CSGALNACT1: variants seen among roughly 807,000 people sequenced by gnomAD.
The protein encoded by CSGALNACT1 is chondroitin sulfate N-acetylgalactosaminyltransferase 1, also known as beta4GalNAcT-1.
Under a neutral mutation model 51.0 loss-of-function variants are expected in CSGALNACT1, and 52 were observed. The ratio of observed to expected loss-of-function variants is 1.02; its 90% CI spans 0.82 to 1.29. The LOEUF is 1.29. Ranked by LOEUF, CSGALNACT1 falls within the 50% of genes most tolerant of loss-of-function variation. The pLI is 0.00. For missense variants in CSGALNACT1, 935 were observed against 679.2 expected, an observed-to-expected ratio of 1.38 and a Z score of -4.19; for synonymous variants, 341 against 254.4, an observed-to-expected ratio of 1.34 and a Z score of -3.24.
intron 1 of CSGALNACT1, among the ~76,000 whole-genome samples, chr8:19,614,527 A>G (rs1234519473): frequency 3.9e-5 from 6 of 152,234 alleles, no homozygotes; most frequent in Non-Finnish European, 7.3e-5. Flanking sequence ...ATACAGCTCA[A>G]TGAGTTTTTA....
rs557870120 is a variant in CSGALNACT1, at chr8:19,673,650, G to C, written c.-544+8823C>G. Among the ~76,000 whole-genome samples the C allele has an allele frequency of 7.6e-4, 116 of 152,340 alleles. 1 individual carries two copies. The highest frequency in any genetic ancestry group is 3.4e-3 in the Middle Eastern group (1 of 294). On this transcript the variant is annotated intron_variant, in intron 1 of 9. Transcript: ENST00000332246. ...ACCCAGTTCCAGTAGGTAAGAGTTA[G>C]AAATGAATTTGTCTGCTTCTACCAC... is the stretch of plus-strand genomic sequence containing the variant.
chr8:19,559,031 C>A (rs1416098691), intron 3 of CSGALNACT1, among the ~76,000 whole-genome samples: 1 of 152,074 alleles, frequency 6.6e-6, no homozygotes, highest in Non-Finnish European at 1.5e-5. Context: ...TATTTCAAAG[C>A]AACTGTGGCT....
intron 1 of CSGALNACT1, among the ~76,000 whole-genome samples, chr8:19,714,228 T>C (rs924859586): frequency 6.6e-6 from 1 of 152,230 alleles, no homozygotes; most frequent in African/African-American, 2.4e-5. Context: ...CCCTCTAATT[T>C]TTCTCCTTGA....
At chr8:19,732,670 C>T (rs2063756114) in intron 1 of CSGALNACT1, 1 of 152,148 alleles carries the variant, frequency 6.6e-6, no homozygotes. Context: ...TGAGAAGTAT[C>T]CACAGACACT....
chr8:19,478,155 C>G (rs941692294), intron 4 of CSGALNACT1, among the ~76,000 whole-genome samples: 1 of 152,028 alleles, frequency 6.6e-6, no homozygotes, highest in Non-Finnish European at 1.5e-5. Flanking sequence ...TGGCTCACGC[C>G]TGTAATCTCA....
At chr8:19,608,593 C>T (rs578087889) in intron 1 of CSGALNACT1, among the ~76,000 whole-genome samples, 2 of 152,322 alleles carry the variant, frequency 1.3e-5, no homozygotes, top group African/African-American at 4.8e-5. Context: ...TTTAAAATTA[C>T]CACATTCCCA....
At chr8:19,623,727 TAAAGAATTCATG>T (rs1294714375) in intron 1 of CSGALNACT1, among the ~76,000 whole-genome samples, 1 of 152,252 alleles carries the variant, frequency 6.6e-6, no homozygotes, top group Admixed American at 6.5e-5. Context: ...AATAAACTTT[TAAAGAATTCATG>T]AATCAGAAAC....
At chr8:19,718,299 A>C (rs1589675483) in intron 1 of CSGALNACT1, among the ~76,000 whole-genome samples, 1 of 152,218 alleles carries the variant, frequency 6.6e-6, no homozygotes, top group Middle Eastern at 3.4e-3. Flanking sequence ...ATGGGGTTGT[A>C]CCATGTTGGC....
intron 1 of CSGALNACT1, among the ~76,000 whole-genome samples, chr8:19,634,926 T>C (rs1180555138): frequency 6.6e-6 from 1 of 152,208 alleles, no homozygotes; most frequent in Non-Finnish European, 1.5e-5. Flanking sequence ...AATATAATGA[T>C]GATAACACTT....
At chr8:19,607,263 T>C (rs1158583686), upstream of CSGALNACT1, among the ~76,000 whole-genome samples, 2 of 152,034 alleles carry the variant, frequency 1.3e-5, no homozygotes, top group Non-Finnish European at 2.9e-5. Flanking sequence ...TAATCGACAA[T>C]GAAGTGATTC....
chr8:19,667,774 C>T (rs1172396803), intron 1 of CSGALNACT1, among the ~76,000 whole-genome samples: 1 of 152,092 alleles, frequency 6.6e-6, no homozygotes, highest in Non-Finnish European at 1.5e-5. Context: ...ACTTAAGCCA[C>T]AGAAAATGTA....
chr8:19,697,471 GA>G (rs1473908492), intron 1 of CSGALNACT1, among the ~76,000 whole-genome samples: 1 of 152,198 alleles, frequency 6.6e-6, no homozygotes, highest in Non-Finnish European at 1.5e-5. Context: ...AGCACCTGGG[GA>G]AAGTCTGGCC....
At chr8:19,430,868 G>A (rs2059553870) in intron 6 of CSGALNACT1, among the ~76,000 whole-genome samples, 1 of 152,004 alleles carries the variant, frequency 6.6e-6, no homozygotes, top group Admixed American at 6.5e-5. Context: ...TCAAAGTTGT[G>A]TTGTAGTTTT....
At chr8:19,708,540 C>T (rs1295199068) in intron 1 of CSGALNACT1, among the ~76,000 whole-genome samples, 1 of 152,178 alleles carries the variant, frequency 6.6e-6, no homozygotes, top group Non-Finnish European at 1.5e-5. Flanking sequence ...AGCTACAAAA[C>T]CTGCTGCCTG....
intron 1 of CSGALNACT1, among the ~76,000 whole-genome samples, chr8:19,611,099 T>C (rs1280699114): frequency 6.6e-6 from 1 of 152,158 alleles, no homozygotes; most frequent in Non-Finnish European, 1.5e-5. Flanking sequence ...AAACAAGGCA[T>C]AGTTAAAATT....
chr8:19,648,531 G>C (rs768798834), intron 1 of CSGALNACT1, among the ~76,000 whole-genome samples: 5 of 152,174 alleles, frequency 3.3e-5, no homozygotes, highest in Non-Finnish European at 7.3e-5. Flanking sequence ...AACCTGGCTC[G>C]ACACTGTGGC....
chr8:19,666,834 A>AG lies in CSGALNACT1; in HGVS notation c.-544+15638_-544+15639insC, dbSNP rs1491552995. Among the ~76,000 whole-genome samples the AG allele has an allele frequency of 8.6e-4, 28 of 32,720 alleles. 1 individual carries two copies. Among genetic ancestry groups the AG allele is most frequent in the East Asian group, 1.8e-3 (4 of 2,244 alleles). 21.5% of individuals were successfully genotyped at this position (32,720 alleles called of 152,430 possible). On this transcript the variant is annotated intron_variant, in intron 1 of 9. Coordinates refer to the CSGALNACT1 transcript ENST00000332246. ...AAGAGAGAGAGAGAGAGAGAGAGAG[A>AG]AAGAAAGAAAGAAAGAAAGAAAGAA...
chr8:19,589,831 G>A (rs1332855502), intron 3 of CSGALNACT1, among the ~76,000 whole-genome samples: 1 of 152,148 alleles, frequency 6.6e-6, no homozygotes, highest in Non-Finnish European at 1.5e-5. Context: ...TACAAAATAT[G>A]TTGCAGCCAA....
At chr8:19,689,665 C>T (rs2061179064) in intron 1 of CSGALNACT1, among the ~76,000 whole-genome samples, 1 of 152,176 alleles carries the variant, frequency 6.6e-6, no homozygotes, top group Admixed American at 6.5e-5. Flanking sequence ...GACTGAGCTC[C>T]TGCTCTAGGC....
Sources: gnomAD v4.1 joint callset for allele counts (sites outside exome capture counted in the v4.1 genomes callset) on GRCh38, gnomAD v4.1.1 for gene constraint, MANE v1.5 for transcripts, NCBI Gene and HGNC (gene_info 2026-07-23, HGNC 2026-07-21) for gene names.